SLC44A4: variants seen among roughly 807,000 people sequenced by gnomAD.
SLC44A4 encodes the protein choline transporter-like protein 4.
SLC44A4 carries 74 observed loss-of-function variants against 97.0 expected under a neutral mutation model. The ratio of observed to expected loss-of-function variants is 0.76; its 90% confidence interval spans 0.63 to 0.93. The LOEUF (loss-of-function observed/expected upper bound fraction) is 0.93. Among genes scored for constraint, SLC44A4 ranks in the 40% least tolerant of loss-of-function variants. The pLI, the probability that SLC44A4 is intolerant of heterozygous loss-of-function variation, is 0.00. For synonymous variants in SLC44A4, 325 were observed against 363.8 expected (o/e 0.89, Z 1.21); for missense variants, 799 against 902.9 (o/e 0.88, Z 1.48).
At chr6:31,873,184 TG>T (rs1357951111) in intron 7 of SLC44A4, among the ~76,000 whole-genome samples, 2 of 152,206 alleles carry the variant, frequency 1.3e-5, no homozygotes, top group Non-Finnish European at 1.5e-5. Context: ...CTAAAATTTT[TG>T]TTTGAGACGG....
chr6:31,870,816 G>A lies in SLC44A4; in HGVS notation c.933C>T (p.Ala311=), dbSNP rs886165080. 1.6e-5 allele frequency: 26 copies of A among 1,612,926 alleles called. No homozygotes were observed. Among genetic ancestry groups the A allele is most frequent in the Admixed American group, 6.7e-5 (4 of 60,012 alleles). ...AYQSVQETWL[A]ALIVLAVLEA... ...GGGGGTGGGCAGGACACTCACGGGC[G>A]GCCAGCCAGGTCTCCTGCACGCTCT... Residue 311 remains alanine (A), a synonymous_variant, in exon 10 of 21, where the codon GCC becomes GCT. Coordinates refer to ENST00000229729, the MANE Select transcript of SLC44A4 (RefSeq NM_025257.3).
chr6:31,863,281 A>G lies in SLC44A4; in HGVS notation c.*346T>C, dbSNP rs573533596. The G allele has an allele frequency of 2.0e-4, 52 of 259,508 alleles. No homozygotes were observed. The South Asian group carries it at 3.2e-3, about 16-fold the overall frequency. The allele number at this position is 259,508 out of a possible 1,614,324, so 16.1% of individuals were successfully genotyped here. Reference sequence around the variant, plus strand: ...GAGTCTGTCACCCAGGTTGGAGTGCAGTGGCGCGATCTCGGCTCACTGCAA... The same window carrying G: ...GAGTCTGTCACCCAGGTTGGAGTGCGGTGGCGCGATCTCGGCTCACTGCAA... On this transcript the variant is annotated 3_prime_UTR_variant, in exon 21 of 21. Coordinates refer to ENST00000229729, the MANE Select transcript of SLC44A4 (RefSeq NM_025257.3).
rs1345027961 is a variant in SLC44A4, at chr6:31,876,069, C to G, written c.150G>C (p.Val50=). 1 of 1,614,060 alleles carries G rather than the reference C, an allele frequency of 6.2e-7. No homozygotes were observed. The highest frequency in any genetic ancestry group is 1.1e-5 in the South Asian group (1 of 91,078). ...CTGGAAACTCACCCACAATCCCCAC[C>G]ACGATGTAACCTAGAATGAAGAGCA... ...LFLLFILGYI[V]VGIVAWLYGD... is the part of the protein sequence containing the mutation. Residue 50 remains valine (V), a synonymous_variant, in exon 3 of 21, where the codon GTG becomes GTC. Coordinates refer to ENST00000229729, the MANE Select transcript of SLC44A4 (RefSeq NM_025257.3). This position sits in a 1 kb window ranked among gnomAD's most constrained non-coding sequence, Gnocchi z 4.8.
rs766048657 is a variant in SLC44A4 at position 31,871,310 on chromosome 6, T to C, written c.701+4A>G. On this transcript the variant is annotated splice_donor_region_variant and intron_variant, in intron 9 of 20. Coordinates refer to ENST00000229729, the MANE Select transcript of SLC44A4 (RefSeq NM_025257.3). ...CACAAGAGGAGGGGAATCTGGTGACTCACACAAGAATCCAATACCAGGACT... is the reference window on the plus strand; with the variant it reads ...CACAAGAGGAGGGGAATCTGGTGACCCACACAAGAATCCAATACCAGGACT... The C allele has an allele frequency of 8.1e-6, 13 of 1,612,226 alleles. No homozygotes were observed. The highest frequency in any genetic ancestry group is 9.3e-6 in the Non-Finnish European group (11 of 1,178,404).
Position 31,875,854 on chromosome 6 carries a change from G to C in SLC44A4, c.240C>G (p.Asn80Lys). 1.2e-6 allele frequency: 2 copies of C among 1,609,506 alleles called. No homozygotes were observed. Among genetic ancestry groups the C allele is most frequent in the African/African-American group, 1.3e-5 (1 of 74,950 alleles). Reference sequence around the variant, plus strand: ...CCTCTTCTCGCCTTTGTACTCACTTGTTCTCCCCCATGCCACAGTAGGCCC... The same window carrying C: ...CCTCTTCTCGCCTTTGTACTCACTTCTTCTCCCCCATGCCACAGTAGGCCC... Reference protein sequence around the residue: ...STGAYCGMGENKDKPYLLYFN... With the variant: ...STGAYCGMGEKKDKPYLLYFN... Residue 80 changes from asparagine (N) to lysine (K), a missense_variant and splice_region_variant, in exon 4 of 21, where the codon AAC (asparagine) becomes AAG (lysine). Physicochemically the swap from Asn to Lys is moderately conservative, Grantham distance 94. Transcript: ENST00000229729.
At position 31,876,001 on chromosome 6, in the gene SLC44A4, C is replaced by T; in HGVS notation, c.163+55G>A. On this transcript the variant is annotated intron_variant, in intron 3 of 20. Coordinates refer to ENST00000229729, the MANE Select transcript of SLC44A4 (RefSeq NM_025257.3). This position sits in a 1 kb window ranked among gnomAD's most constrained non-coding sequence, Gnocchi z 4.8. ...TGGGGCAGTTATGGGAATGGTCCCT[C>T]CCTGGGTTCCTGTCCCTCACCCACT... is the stretch of plus-strand genomic sequence containing the variant. 3.1e-6 allele frequency: 5 copies of T among 1,612,506 alleles called. No individual in the cohort carries two copies. Among genetic ancestry groups the T allele is most frequent in the Non-Finnish European group, 4.2e-6 (5 of 1,178,540 alleles).
rs757761761 is a variant in SLC44A4 at position 31,869,167 on chromosome 6, T to C, written c.1221A>G (p.Ser407=). 6.2e-7 allele frequency: 1 copy of C among 1,608,500 alleles called. No individual in the cohort carries two copies. The highest frequency in any genetic ancestry group is 8.5e-7 in the Non-Finnish European group (1 of 1,177,750). Residue 407 remains serine (S), a synonymous_variant, in exon 13 of 21, where the codon TCA becomes TCG. Coordinates refer to ENST00000229729, the MANE Select transcript of SLC44A4 (RefSeq NM_025257.3). The part of the protein sequence containing the change: ...PGCEKVPINT[S]CNPTAHLVNS... Reference sequence around the variant, plus strand: ...TGCTTCCTCTTACCGTGGGGTTGCATGATGTATTTATTGGCACTTTCTCAC... The same window carrying C: ...TGCTTCCTCTTACCGTGGGGTTGCACGATGTATTTATTGGCACTTTCTCAC...
At chr6:31,873,781 G>A (rs1435075354) in intron 7 of SLC44A4, among the ~76,000 whole-genome samples, 1 of 151,380 alleles carries the variant, frequency 6.6e-6, no homozygotes, top group Non-Finnish European at 1.5e-5. Context: ...ATATAAAAAT[G>A]ATATGTGTGC....
rs770322039 is a variant in SLC44A4, at chr6:31,874,746, CA to C, written c.442del (p.Cys148ValfsTer9). The C allele has an allele frequency of 2.5e-6, 4 of 1,613,556 alleles. No homozygotes were observed. The South Asian group carries it at 4.4e-5, about 18-fold the overall frequency. On this transcript the variant is annotated frameshift_variant, in exon 6 of 21. Transcript: ENST00000229729. LOFTEE classifies it high-confidence loss of function. The surrounding 1 kb of genome is among the most constrained non-coding windows in gnomAD (Gnocchi z 4.8). ...CATATTCCAGGGTACCCCTGGCAGA[CA>C]AAAGTTCCTGTTTTTTGTATAGAAG... ...EVFYTKNRNF[C>X]LPGVPWNMTV...
At chr6:31,864,209 G>A (rs1762710482) in intron 20 of SLC44A4, among the ~76,000 whole-genome samples, 1 of 152,042 alleles carries the variant, frequency 6.6e-6, no homozygotes, top group Admixed American at 6.6e-5. Context: ...CAAGTGGCTG[G>A]GATTACAGGC....
Position 31,874,501 on chromosome 6 carries a change from T to TGCAGGCTTGTGATCACCGTCTGTG in SLC44A4, c.469-5_487dup (p.Leu162_Gln163insProGlnThrValIleThrSerLeu). On this transcript the variant is annotated inframe_insertion, in exon 7 of 21. Transcript: ENST00000229729. This position sits in a 1 kb window ranked among gnomAD's most constrained non-coding sequence, Gnocchi z 4.8. ...GAGGAAACTGGGGCAGAGTTCCTGT[T>TGCAGGCTTGTGATCACCGTCTGTG]GCAGGCTTGTGATCACCGTCTGTGG... 1 of 1,612,996 alleles carries TGCAGGCTTGTGATCACCGTCTGTG rather than the reference T, an allele frequency of 6.2e-7. No individual in the cohort carries two copies. Among genetic ancestry groups the TGCAGGCTTGTGATCACCGTCTGTG allele is most frequent in the Non-Finnish European group, 8.5e-7 (1 of 1,179,996 alleles).
At chr6:31,864,626 G>A (rs1361434177) in intron 20 of SLC44A4, 26 bp downstream of exon 20, 3 of 1,606,624 alleles carry the variant, frequency 1.9e-6, no homozygotes, top group Non-Finnish European at 2.6e-6. Context: ...TAAGGTTGGG[G>A]ACAGGTGGCT....
In SLC44A4 at chr6:31,874,572, G is replaced by A. The variant is rs1258955935; in HGVS notation, c.469-52C>T. 3 of 1,593,558 alleles carry A rather than the reference G, an allele frequency of 1.9e-6. No homozygotes were observed. The highest frequency in any genetic ancestry group is 1.7e-6 in the Non-Finnish European group (2 of 1,169,064). On this transcript the variant is annotated intron_variant, in intron 6 of 20. Transcript: ENST00000229729. The surrounding 1 kb of genome is among the most constrained non-coding windows in gnomAD (Gnocchi z 4.8). ...CACAGACACAGAGCAGGATGAAGAA[G>A]CAGGTCCCCTCACCACCACCATGGG...
chr6:31,878,915 G>A lies in SLC44A4; in HGVS notation c.40+26C>T. The A allele has an allele frequency of 6.2e-7, 1 of 1,613,252 alleles. No homozygotes were observed. The highest frequency in any genetic ancestry group is 8.5e-7 in the Non-Finnish European group (1 of 1,179,408). ...TACCCGTCCTCCCCTCCCTCCACAG[G>A]GTCCCGGGCCTCGCCCCAGTCTCAC... On this transcript the variant is annotated intron_variant, in intron 1 of 20. Transcript: ENST00000229729. The surrounding 1 kb of genome is among the most constrained non-coding windows in gnomAD (Gnocchi z 4.0).
chr6:31,875,339 C>G (rs530450946), intron 4 of SLC44A4, among the ~76,000 whole-genome samples: 23 of 152,356 alleles, frequency 1.5e-4, no homozygotes, highest in African/African-American at 5.3e-4. Context: ...CCATATAAAA[C>G]AGTAGTGCCT....
Position 31,874,482 on chromosome 6 carries a change from A to T in SLC44A4, c.507T>A (p.Ser169Arg). 1 of 1,613,052 alleles carries T rather than the reference A, an allele frequency of 6.2e-7. No individual in the cohort carries two copies. Among genetic ancestry groups the T allele is most frequent in the Non-Finnish European group, 8.5e-7 (1 of 1,180,028 alleles). Residue 169 changes from serine (S) to arginine (R), a missense_variant, in exon 7 of 21, where the codon AGT becomes AGA. Transcript: ENST00000229729. This position sits in a 1 kb window ranked among gnomAD's most constrained non-coding sequence, Gnocchi z 4.8. ...CACCTGGAGCAGAGGGGAGGAGGAA[A>T]CTGGGGCAGAGTTCCTGTTGCAGGC... ...ITSLQQELCP[S>R]FLLPSAPALG...
chr6:31,867,298 T>G (rs1333348993), intron 13 of SLC44A4, among the ~76,000 whole-genome samples: 1 of 151,528 alleles, frequency 6.6e-6, no homozygotes, highest in African/African-American at 2.4e-5. Context: ...TGTCACCATA[T>G]TGGCCAGGTT....
Position 31,875,017 on chromosome 6 carries a change from T to TA in SLC44A4, c.253dup (p.Tyr85LeufsTer21), listed in dbSNP as rs1266845682. 6.2e-7 allele frequency: 1 copy of TA among 1,612,188 alleles called. No homozygotes were observed. Among genetic ancestry groups the TA allele is most frequent in the East Asian group, 2.2e-5 (1 of 44,870 alleles). ...GCTGAAGATGTTGAAGTACAGGAGATACGGCTTATCTCTGTGGGAGGGGAG... is the reference window on the plus strand; with the variant it reads ...GCTGAAGATGTTGAAGTACAGGAGATAACGGCTTATCTCTGTGGGAGGGGAG... On this transcript the variant is annotated frameshift_variant, in exon 5 of 21. Coordinates refer to ENST00000229729, the MANE Select transcript of SLC44A4 (RefSeq NM_025257.3). LOFTEE classifies it high-confidence loss of function.
In SLC44A4 at chr6:31,874,830, C is replaced by A. The variant is rs779729657; in HGVS notation, c.359G>T (p.Cys120Phe). 1.9e-6 allele frequency: 3 copies of A among 1,612,562 alleles called. No homozygotes were observed. Among genetic ancestry groups the A allele is most frequent in the Admixed American group, 1.7e-5 (1 of 59,746 alleles). Residue 120 changes from cysteine to phenylalanine, a missense_variant, in exon 6 of 21, where the codon TGC (cysteine) becomes TTC (phenylalanine). Cys to Phe is a radical substitution (Grantham distance 205). Around this residue, in one of 3 missense-constraint regions of SLC44A4, gnomAD observed 409 missense variants for 434.1 expected, o/e 0.94. Coordinates refer to ENST00000229729, the MANE Select transcript of SLC44A4 (RefSeq NM_025257.3). The surrounding 1 kb of genome is among the most constrained non-coding windows in gnomAD (Gnocchi z 4.8). ...TCCCACAGTCCATGGGTCCTCCGGGCAGGAGGACACACACACCTGGGTGCA... is the reference window on the plus strand; with the variant it reads ...TCCCACAGTCCATGGGTCCTCCGGGAAGGAGGACACACACACCTGGGTGCA... ...CPTPQVCVSS[C>F]PEDPWTVGKN... is the part of the protein sequence containing the mutation.
Sources: allele counts gnomAD v4.1 joint callset (sites outside exome capture counted in the v4.1 genomes callset), GRCh38; gene constraint gnomAD v4.1.1; regional missense constraint gnomAD v4.1.1; non-coding constraint Gnocchi (gnomAD v3.1); transcripts MANE v1.5; gene names NCBI Gene and HGNC (gene_info 2026-07-23, HGNC 2026-07-21).